The following TBCA variants were observed in gnomAD, a reference collection of about 807,000 sequenced individuals.
TBCA encodes tubulin folding cofactor A.
A neutral mutation model predicts 15.8 loss-of-function variants in TBCA; 6 were observed. That is an observed-to-expected ratio of 0.38 (90% CI 0.21 to 0.75). The LOEUF (loss-of-function observed/expected upper bound fraction) is 0.75. Among genes scored for constraint, TBCA ranks in the 30% least tolerant of loss-of-function variants. TBCA has a pLI of 0.46. For missense variants in TBCA, 90 were observed against 131.2 expected, an observed-to-expected ratio of 0.69 and a Z score of 1.53; for synonymous variants, 32 against 42.3, an observed-to-expected ratio of 0.76 and a Z score of 0.94.
intron 1 of TBCA, among the ~76,000 whole-genome samples, chr5:77,742,556 G>A (rs1747067149): frequency 6.6e-6 from 1 of 152,172 alleles, no homozygotes; most frequent in Non-Finnish European, 1.5e-5. Flanking sequence ...TTTGTAGAAG[G>A]CCCTTAATGG....
chr5:77,717,998 C>T (rs62362552), intron 1 of TBCA, among the ~76,000 whole-genome samples: 1 of 145,134 alleles, frequency 6.9e-6, no homozygotes, highest in Non-Finnish European at 1.5e-5. Flanking sequence ...GGCGAGGTGG[C>T]GCAGGCCTGT....
chr5:77,766,860 C>T (rs1054024818), intron 1 of TBCA, among the ~76,000 whole-genome samples: 5 of 152,112 alleles, frequency 3.3e-5, no homozygotes, highest in Non-Finnish European at 7.4e-5. Flanking sequence ...CCTCATAAAC[C>T]CTTTTCTGGT....
intron 1 of TBCA, among the ~76,000 whole-genome samples, chr5:77,750,352 C>G (rs576598336): frequency 6.6e-6 from 1 of 152,100 alleles, no homozygotes; most frequent in Non-Finnish European, 1.5e-5. Flanking sequence ...AAAGTAAATT[C>G]ATTCATTTTA....
chr5:77,699,551 A>C (rs1309671428), intron 2 of TBCA, among the ~76,000 whole-genome samples: 2 of 152,216 alleles, frequency 1.3e-5, no homozygotes, highest in African/African-American at 4.8e-5. Flanking sequence ...ATGAATCTCA[A>C]ACCAAACCTA....
chr5:77,775,852 G>A lies in TBCA; in HGVS notation c.53+353C>T, dbSNP rs1448655204. The stretch of plus-strand genomic sequence containing the variant: ...CCCCGGGCCAAGTTCAGCAAGGAGA[G>A]GCCGGCGCGCGCACACAGGAGGCAC... On this transcript the variant is annotated intron_variant, in intron 1 of 3. Coordinates refer to ENST00000380377, the MANE Select transcript of TBCA (RefSeq NM_004607.3). Among the ~76,000 whole-genome samples, 3 of 152,222 alleles carry A rather than the reference G, an allele frequency of 2.0e-5. No homozygotes were observed. In the East Asian group the frequency reaches 5.8e-4, roughly 29 times the overall value.
chr5:77,698,295 GAAGA>G (rs557532918), intron 2 of TBCA, among the ~76,000 whole-genome samples: 125 of 152,066 alleles, frequency 8.2e-4, no homozygotes, highest in Non-Finnish European at 1.3e-3. Context: ...ATTAAAAGGA[GAAGA>G]AAGAAATAAT....
At chr5:77,732,887 T>C (rs1746806347) in intron 1 of TBCA, among the ~76,000 whole-genome samples, 1 of 152,180 alleles carries the variant, frequency 6.6e-6, no homozygotes, top group African/African-American at 2.4e-5. Context: ...CTCTACTCCC[T>C]GAGACACAAT....
chr5:77,760,959 CAT>C (rs34313540), intron 1 of TBCA, among the ~76,000 whole-genome samples: 90,657 of 147,030 alleles, frequency 0.62, 27,959 homozygotes, highest in African/African-American at 0.64. Context: ...CCCGGCCACC[CAT>C]CGTCTGGGAA....
intron 1 of TBCA, among the ~76,000 whole-genome samples, chr5:77,738,685 A>G (rs1561276074): frequency 6.6e-6 from 1 of 152,132 alleles, no homozygotes; most frequent in East Asian, 1.9e-4. Flanking sequence ...GGAGTTCAAG[A>G]AATTCTCATG....
chr5:77,737,773 T>C (rs1027197404), intron 1 of TBCA, among the ~76,000 whole-genome samples: 3 of 152,136 alleles, frequency 2.0e-5, no homozygotes, highest in African/African-American at 2.4e-5. Flanking sequence ...CCTAAAATGT[T>C]TAAAAGTTGG....
chr5:77,753,090 G>A (rs536734639), intron 1 of TBCA, among the ~76,000 whole-genome samples: 2 of 152,102 alleles, frequency 1.3e-5, no homozygotes, highest in South Asian at 4.1e-4. Context: ...CTGAAAACAT[G>A]TTCTACACTC....
At chr5:77,734,693 C>T (rs937295127) in intron 1 of TBCA, among the ~76,000 whole-genome samples, 23 of 152,228 alleles carry the variant, frequency 1.5e-4, no homozygotes, top group African/African-American at 2.2e-4. Flanking sequence ...GTTGATGAAG[C>T]GGTAGAAGGG....
At chr5:77,776,176 G>A in intron 1 of TBCA, 29 bp downstream of exon 1, 1 of 1,552,850 alleles carries the variant, frequency 6.4e-7, no homozygotes, top group Non-Finnish European at 8.7e-7. Context: ...ACGAAGAGGA[G>A]GTGCAGGGCG....
intron 1 of TBCA, among the ~76,000 whole-genome samples, chr5:77,742,567 C>T (rs926226479): frequency 3.3e-5 from 5 of 152,132 alleles, no homozygotes; most frequent in South Asian, 2.1e-4. Context: ...CCCTTAATGG[C>T]GTTTTCCTGT....
chr5:77,726,951 T>C (rs184294960), intron 1 of TBCA, among the ~76,000 whole-genome samples: 1 of 152,300 alleles, frequency 6.6e-6, no homozygotes, highest in East Asian at 1.9e-4. Flanking sequence ...ATTTCAAGAA[T>C]TGTTAGCCCA....
At chr5:77,755,786 C>T (rs457018) in intron 1 of TBCA, among the ~76,000 whole-genome samples, 66,953 of 151,848 alleles carry the variant, frequency 0.44, 14,936 homozygotes, top group East Asian at 0.53. Context: ...GGGCAGATCA[C>T]CTGAAGTTCG....
intron 1 of TBCA, among the ~76,000 whole-genome samples, chr5:77,764,778 A>G: frequency 2.2e-5 from 1 of 46,194 alleles, no homozygotes; most frequent in African/African-American, 5.3e-5. Context: ...TTAACCAAAA[A>G]CAACTCAAAA....
At chr5:77,770,599 C>T (rs1747882683) in intron 1 of TBCA, among the ~76,000 whole-genome samples, 1 of 151,536 alleles carries the variant, frequency 6.6e-6, no homozygotes, top group Non-Finnish European at 1.5e-5. Flanking sequence ...ACAGAGTGTT[C>T]AACAGTTCTG....
chr5:77,761,042 C>A (rs1233614682), intron 1 of TBCA, among the ~76,000 whole-genome samples: 1 of 151,966 alleles, frequency 6.6e-6, no homozygotes, highest in Non-Finnish European at 1.5e-5. Flanking sequence ...GCTGCCGCCC[C>A]GTCTGGGAAG....
Sources: gnomAD v4.1 joint callset for allele counts (sites outside exome capture counted in the v4.1 genomes callset) on GRCh38, gnomAD v4.1.1 for gene constraint, MANE v1.5 for transcripts, NCBI Gene and HGNC (gene_info 2026-07-23, HGNC 2026-07-21) for gene names.